SRBD1: variants seen among roughly 807,000 people sequenced by gnomAD.
SRBD1 encodes S1 RNA binding domain 1, also known as S1 RNA-binding domain-containing protein 1.
A neutral mutation model predicts 115.3 loss-of-function variants in SRBD1; 88 were observed. The observed-to-expected ratio is 0.76, with a 90% CI of 0.64 to 0.91. The LOEUF is 0.91. Ranked by LOEUF, SRBD1 falls within the 40% of genes least tolerant of loss-of-function variation. The pLI, the probability that SRBD1 is intolerant of heterozygous loss-of-function variation, is 0.00. For synonymous variants in SRBD1, 509 were observed against 407.7 expected (o/e 1.25, Z -2.99); for missense variants, 1,385 against 1,177.4 (o/e 1.18, Z -2.58).
intron 14 of SRBD1, among the ~76,000 whole-genome samples, chr2:45,526,109 C>G (rs1202958604): frequency 6.6e-6 from 1 of 151,866 alleles, no homozygotes; most frequent in African/African-American, 2.4e-5. Flanking sequence ...AGGTGTATAC[C>G]TAAGAGAAAT....
chr2:45,574,078 A>C (rs1334258261), intron 8 of SRBD1, among the ~76,000 whole-genome samples: 1 of 152,200 alleles, frequency 6.6e-6, no homozygotes, highest in Non-Finnish European at 1.5e-5. Flanking sequence ...AAAATCCATA[A>C]GCCCAAGAAG....
At chr2:45,554,317 C>T (rs1338258261) in intron 10 of SRBD1, among the ~76,000 whole-genome samples, 7 of 152,228 alleles carry the variant, frequency 4.6e-5, no homozygotes, top group Non-Finnish European at 1.0e-4. Flanking sequence ...TCTTGGACTT[C>T]TCAGCCTCCA....
intron 16 of SRBD1, among the ~76,000 whole-genome samples, chr2:45,435,140 A>G (rs1465108330): frequency 6.6e-6 from 1 of 152,124 alleles, no homozygotes; most frequent in Non-Finnish European, 1.5e-5. Flanking sequence ...TCCATGGCGT[A>G]TATGTGCCAC....
chr2:45,392,681 C>T (rs906370712), intron 20 of SRBD1, among the ~76,000 whole-genome samples: 1 of 152,192 alleles, frequency 6.6e-6, no homozygotes, highest in Non-Finnish European at 1.5e-5. Context: ...ATGCATACAG[C>T]AGTACATGCA....
At chr2:45,451,198 T>C (rs1227979458) in intron 16 of SRBD1, among the ~76,000 whole-genome samples, 2 of 152,080 alleles carry the variant, frequency 1.3e-5, no homozygotes, top group Non-Finnish European at 1.5e-5. Flanking sequence ...ATCATAGTCT[T>C]GGACTATTTT....
At position 45,418,521 on chromosome 2, in the gene SRBD1, G is replaced by T. The variant is rs1414609060; in HGVS notation, c.2177C>A (p.Ala726Asp). 1 of 1,611,874 alleles carries T rather than the reference G, an allele frequency of 6.2e-7. No individual in the cohort carries two copies. The highest frequency in any genetic ancestry group is 1.1e-5 in the South Asian group (1 of 90,960). Residue 726 changes from alanine (A) to aspartate (D), a missense_variant, in exon 18 of 21, where the codon GCC (alanine) becomes GAC (aspartate). Ala to Asp is a moderately radical substitution (Grantham distance 126). Coordinates refer to ENST00000263736, the MANE Select transcript of SRBD1 (RefSeq NM_018079.5). ...VLLRHIAGLNANRAKNIIEWR... is the reference protein window; with the variant it reads ...VLLRHIAGLNDNRAKNIIEWR... ...TTCAATAATATTTTTGGCCCTGTTG[G>T]CATTGAGTCCTGCAATATGCCTAGA... is the stretch of plus-strand genomic sequence containing the variant.
intron 9 of SRBD1, among the ~76,000 whole-genome samples, chr2:45,572,019 G>A (rs151116672): frequency 2.6e-4 from 39 of 152,078 alleles, no homozygotes; most frequent in Admixed American, 7.2e-4. Context: ...TAATCTACAC[G>A]TCTAAGAATC....
chr2:45,496,846 G>C (rs999331989), intron 14 of SRBD1, among the ~76,000 whole-genome samples: 1 of 152,126 alleles, frequency 6.6e-6, no homozygotes, highest in African/African-American at 2.4e-5. Context: ...CCTCCAGTTT[G>C]GATCTTGAAG....
At chr2:45,532,509 C>T (rs1421516371) in intron 14 of SRBD1, among the ~76,000 whole-genome samples, 1 of 151,706 alleles carries the variant, frequency 6.6e-6, no homozygotes, top group East Asian at 1.9e-4. Context: ...AGCACCTCTA[C>T]CCACCAATCA....
At chr2:45,470,953 T>G (rs1669630544) in intron 16 of SRBD1, among the ~76,000 whole-genome samples, 1 of 152,292 alleles carries the variant, frequency 6.6e-6, no homozygotes, top group East Asian at 1.9e-4. Flanking sequence ...ATTGAAATAA[T>G]ATTATAGCTT....
At chr2:45,434,901 C>G (rs1431121879) in intron 16 of SRBD1, among the ~76,000 whole-genome samples, 1 of 151,910 alleles carries the variant, frequency 6.6e-6, no homozygotes, top group African/African-American at 2.4e-5. Context: ...GGTATTTCTC[C>G]TAATGCTATC....
intron 16 of SRBD1, among the ~76,000 whole-genome samples, chr2:45,472,618 G>C (rs947942932): frequency 6.6e-6 from 1 of 152,168 alleles, no homozygotes; most frequent in Non-Finnish European, 1.5e-5. Context: ...GAGTAGCTGA[G>C]GCCAGGTGCG....
At chr2:45,443,486 G>GTT (rs953600040) in intron 16 of SRBD1, among the ~76,000 whole-genome samples, 3 of 152,060 alleles carry the variant, frequency 2.0e-5, no homozygotes, top group Admixed American at 1.3e-4. Context: ...GACGTCAACA[G>GTT]TTTTTTTCTA....
At chr2:45,411,389 G>A (rs1667598350) in intron 19 of SRBD1, among the ~76,000 whole-genome samples, 1 of 152,132 alleles carries the variant, frequency 6.6e-6, no homozygotes, top group Admixed American at 6.5e-5. Flanking sequence ...GAATATTACT[G>A]AGCAATAAAA....
At chr2:45,510,778 C>T (rs1364093584) in intron 14 of SRBD1, among the ~76,000 whole-genome samples, 1 of 152,128 alleles carries the variant, frequency 6.6e-6, no homozygotes, top group Non-Finnish European at 1.5e-5. Context: ...GGCCTTTTAA[C>T]AGTACAAGAA....
chr2:45,488,396 G>C, intron 14 of SRBD1, 65 bp from the exon 15 acceptor site: 1 of 1,409,942 alleles, frequency 7.1e-7, no homozygotes, highest in Non-Finnish European at 9.9e-7. Flanking sequence ...GAAAATAAAT[G>C]AATGAAACCA....
chr2:45,393,733 A>T (rs1667070365), intron 19 of SRBD1, among the ~76,000 whole-genome samples: 1 of 152,230 alleles, frequency 6.6e-6, no homozygotes, highest in Non-Finnish European at 1.5e-5. Context: ...CATATATTTT[A>T]AAAATGAGGC....
At chr2:45,501,713 G>A (rs770632612) in intron 14 of SRBD1, among the ~76,000 whole-genome samples, 1 of 152,166 alleles carries the variant, frequency 6.6e-6, no homozygotes, top group Admixed American at 6.5e-5. Flanking sequence ...GTCTGAGATC[G>A]AACTGCAAAG....
chr2:45,569,105 T>A (rs1672927211), intron 9 of SRBD1: 2 of 145,702 alleles, frequency 1.4e-5, no homozygotes, highest in Admixed American at 1.3e-4. Flanking sequence ...ACTTGTGGGA[T>A]AATTCACACT....
Sources: allele counts gnomAD v4.1 joint callset (sites outside exome capture counted in the v4.1 genomes callset), GRCh38; gene constraint gnomAD v4.1.1; transcripts MANE v1.5; gene names NCBI Gene and HGNC (gene_info 2026-07-23, HGNC 2026-07-21).